The following ANKS1A variants were observed in gnomAD, a reference collection of about 807,000 sequenced individuals.
The protein encoded by ANKS1A is ankyrin repeat and SAM domain-containing protein 1A.
Under a neutral mutation model 120.3 loss-of-function variants are expected in ANKS1A, and 55 were observed. The observed-to-expected ratio is 0.46, with a 90% CI of 0.37 to 0.57. The LOEUF is 0.57. Among genes scored for constraint, ANKS1A ranks in the 20% least tolerant of loss-of-function variants. The pLI is 0.00. For missense variants in ANKS1A, 1,123 were observed against 1,480.3 expected (o/e 0.76, Z 3.96); for synonymous variants, 590 against 604.7 (o/e 0.98, Z 0.36).
chr6:35,069,718 T>TATATA (rs200615406), intron 13 of ANKS1A, among the ~76,000 whole-genome samples: 1 of 13,244 alleles, frequency 7.6e-5, no homozygotes, highest in African/African-American at 1.1e-4. Flanking sequence ...TATATATATA[T>TATATA]TTTTTTTTTT....
intron 15 of ANKS1A, 40 bp downstream of exon 15, chr6:35,079,708 A>G (rs1463188119): frequency 6.2e-7 from 1 of 1,613,590 alleles, no homozygotes; most frequent in African/African-American, 1.3e-5. Context: ...ACTCTCCAGA[A>G]GTCTGAGCTT....
chr6:34,911,235 T>C (rs1213489440), intron 1 of ANKS1A, among the ~76,000 whole-genome samples: 1 of 152,214 alleles, frequency 6.6e-6, no homozygotes, highest in Non-Finnish European at 1.5e-5. Flanking sequence ...GAGTGGGAAT[T>C]AGTGGTATGA....
intron 1 of ANKS1A, among the ~76,000 whole-genome samples, chr6:34,919,387 C>A (rs1209627387): frequency 6.6e-6 from 1 of 152,172 alleles, no homozygotes. Flanking sequence ...CTTCTCTTCC[C>A]ACACTGCTTT....
At chr6:35,026,255 TC>T (rs772558027) in intron 11 of ANKS1A, among the ~76,000 whole-genome samples, 99 of 152,332 alleles carry the variant, frequency 6.5e-4, no homozygotes, top group Non-Finnish European at 1.3e-3. Context: ...TTTATATTAT[TC>T]TAAGCAATTG....
chr6:35,096,062 G>A (rs760996064), downstream of ANKS1A, among the ~76,000 whole-genome samples: 1 of 152,150 alleles, frequency 6.6e-6, no homozygotes, highest in Admixed American at 6.6e-5. Flanking sequence ...CATAAATGTT[G>A]TCAGAAGTGG....
chr6:34,993,943 A>G (rs1772709773), intron 9 of ANKS1A, among the ~76,000 whole-genome samples: 1 of 152,202 alleles, frequency 6.6e-6, no homozygotes, highest in African/African-American at 2.4e-5. Context: ...GAAGACTAAA[A>G]TCAAAGAAAA....
intron 10 of ANKS1A, among the ~76,000 whole-genome samples, chr6:35,001,964 C>A (rs1000121390): frequency 1.3e-5 from 2 of 152,192 alleles, no homozygotes; most frequent in African/African-American, 4.8e-5. Flanking sequence ...GCAGCAACAG[C>A]CCTGTTAGCA....
At chr6:34,922,956 G>A (rs1239793351) in intron 1 of ANKS1A, among the ~76,000 whole-genome samples, 1 of 152,118 alleles carries the variant, frequency 6.6e-6, no homozygotes, top group African/African-American at 2.4e-5. Flanking sequence ...CTCCCAAAGT[G>A]CTGGGATTAC....
rs889365940 is a variant in ANKS1A, at chr6:35,086,656, G to A, written c.3304-296G>A. ...AAGCCCCATATCCCCTTCCTGCCCA[G>A]TGTGAGTGGGTCTGGGGCTTAGAGC... On this transcript the variant is annotated intron_variant, in intron 22 of 23. Coordinates refer to ENST00000360359, the MANE Select transcript of ANKS1A (RefSeq NM_015245.3). This position sits in a 1 kb window ranked among gnomAD's most constrained non-coding sequence, Gnocchi z 5.1. Among the ~76,000 whole-genome samples the A allele has an allele frequency of 6.6e-6, 1 of 152,150 alleles. No individual in the cohort carries two copies. Among genetic ancestry groups the A allele is most frequent in the Non-Finnish European group, 1.5e-5 (1 of 68,024 alleles).
chr6:34,896,310 T>A (rs915993109), intron 1 of ANKS1A, among the ~76,000 whole-genome samples: 2 of 152,120 alleles, frequency 1.3e-5, no homozygotes, highest in African/African-American at 2.4e-5. Flanking sequence ...CTTCAAGTGA[T>A]CTGCCTGCCT....
chr6:35,083,046 G>A (rs946012878), intron 18 of ANKS1A, 109 bp from the exon 19 acceptor site: 18 of 1,405,072 alleles, frequency 1.3e-5, no homozygotes, highest in South Asian at 2.6e-5. Context: ...AGGGGGTGTT[G>A]TTATTGAGAG....
At chr6:35,015,924 C>T (rs2127556626) in intron 10 of ANKS1A, among the ~76,000 whole-genome samples, 1 of 152,300 alleles carries the variant, frequency 6.6e-6, no homozygotes, top group South Asian at 2.1e-4. Flanking sequence ...CAAGAAGGGG[C>T]TTTGGGCCTT....
chr6:35,048,863 T>C (rs1775841117), intron 11 of ANKS1A, among the ~76,000 whole-genome samples: 1 of 152,150 alleles, frequency 6.6e-6, no homozygotes, highest in South Asian at 2.1e-4. Flanking sequence ...GCTCAGTCGC[T>C]CAGCCCCCGG....
At chr6:35,028,551 T>C (rs1774742850) in intron 11 of ANKS1A, among the ~76,000 whole-genome samples, 3 of 152,210 alleles carry the variant, frequency 2.0e-5, no homozygotes, top group Admixed American at 2.0e-4. Context: ...AAAGACTATA[T>C]AGTGAAAAAT....
chr6:35,017,884 A>G lies in ANKS1A; in HGVS notation c.1835A>G (p.Lys612Arg), dbSNP rs1581652489. ...AGGAGCCGAGCGCCTCCCACTAGCAAACCCAAAGCTGAACTCAAACTCAGC... is the reference window on the plus strand; with the variant it reads ...AGGAGCCGAGCGCCTCCCACTAGCAGACCCAAAGCTGAACTCAAACTCAGC... Reference protein sequence around the residue: ...GARSRAPPTSKPKAELKLSRS... With the variant: ...GARSRAPPTSRPKAELKLSRS... Residue 612 changes from lysine (K) to arginine (R), a missense_variant, in exon 11 of 24, where the codon AAA (lysine) becomes AGA (arginine). Around this residue, in one of 3 missense-constraint regions of ANKS1A, gnomAD observed 904 missense variants for 1,130.4 expected, o/e 0.80. Transcript: ENST00000360359. The G allele has an allele frequency of 6.2e-7, 1 of 1,614,164 alleles. No homozygotes were observed. Among genetic ancestry groups the G allele is most frequent in the Non-Finnish European group, 8.5e-7 (1 of 1,180,014 alleles).
downstream of ANKS1A, among the ~76,000 whole-genome samples, chr6:35,096,331 G>A (rs1778469700): frequency 6.6e-6 from 1 of 152,202 alleles, no homozygotes; most frequent in Non-Finnish European, 1.5e-5. Flanking sequence ...TTTCTGGAAA[G>A]TCCTTTCTGG....
Position 34,915,986 on chromosome 6 carries a change from C to CTT in ANKS1A, c.197+26409_197+26410dup, listed in dbSNP as rs202041070. 1.7e-3 allele frequency among the ~76,000 whole-genome samples: 175 copies of CTT among 104,390 alleles called. 1 individual carries two copies. The highest frequency in any genetic ancestry group is 2.1e-3 in the African/African-American group (54 of 25,552). 68.5% of individuals were successfully genotyped at this position (104,390 alleles called of 152,430 possible). A position where few individuals can be genotyped will look rare whatever the true frequency, so the allele number is the denominator to read the frequency against. ...AGGTAAAGAGGCTTCATGTCTGGATCTTTTTTTTTTTTTTTTTTTTTTTGG... is the reference window on the plus strand; with the variant it reads ...AGGTAAAGAGGCTTCATGTCTGGATCTTTTTTTTTTTTTTTTTTTTTTTTTGG... On this transcript the variant is annotated intron_variant, in intron 1 of 23. Coordinates refer to ENST00000360359, the MANE Select transcript of ANKS1A (RefSeq NM_015245.3).
Position 35,018,004 on chromosome 6 carries a change from G to A in ANKS1A, c.1955G>A (p.Ser652Asn). Residue 652 changes from serine (S) to asparagine (N), a missense_variant, in exon 11 of 24, where the codon AGC becomes AAC. Around this residue, in one of 3 missense-constraint regions of ANKS1A, gnomAD observed 904 missense variants for 1,130.4 expected, o/e 0.80. Transcript: ENST00000360359. ...GSRSESLSNC[S>N]IGKKRLEKSP... ...CGGAGTGAGTCCTTATCCAACTGCA[G>A]CATTGGGAAGAAAAGGCTAGAGAAG... 1.9e-6 allele frequency: 3 copies of A among 1,614,186 alleles called. No individual in the cohort carries two copies. The highest frequency in any genetic ancestry group is 2.7e-5 in the African/African-American group (2 of 75,062).
intron 10 of ANKS1A, among the ~76,000 whole-genome samples, chr6:35,007,061 T>A (rs1029096791): frequency 6.6e-6 from 1 of 152,204 alleles, no homozygotes; most frequent in African/African-American, 2.4e-5. Flanking sequence ...TAAGATGATT[T>A]ATAGGAATAA....
Sources: gnomAD v4.1 joint callset for allele counts (sites outside exome capture counted in the v4.1 genomes callset) on GRCh38, gnomAD v4.1.1 for gene constraint, gnomAD v4.1.1 regional missense constraint, Gnocchi (gnomAD v3.1) non-coding constraint, MANE v1.5 for transcripts, NCBI Gene and HGNC (gene_info 2026-07-23, HGNC 2026-07-21) for gene names.